Variants in HMGCLL1 observed in about 807,000 individuals in gnomAD.
HMGCLL1 encodes 3-hydroxymethyl-3-methylglutaryl-CoA lyase, cytoplasmic.
A neutral mutation model predicts 39.1 loss-of-function variants in HMGCLL1; 36 were observed. The observed-to-expected ratio is 0.92, with a 90% CI of 0.71 to 1.22. The LOEUF (loss-of-function observed/expected upper bound fraction) is 1.22. HMGCLL1 is among the 50% of genes most tolerant of loss of function. The probability of loss-of-function intolerance (pLI) is 0.00; values close to 1 mark genes in which losing one functional copy is unlikely to be tolerated. For synonymous variants in HMGCLL1, 149 were observed against 144.0 expected, an observed-to-expected ratio of 1.03 and a Z score of -0.25; for missense variants, 451 against 416.5, an observed-to-expected ratio of 1.08 and a Z score of -0.72.
At chr6:55,673,800 A>G in the HMGCLL1 span, among the ~76,000 whole-genome samples, 2 of 151,968 alleles carry the variant, frequency 1.3e-5, no homozygotes, top group Non-Finnish European at 2.9e-5. Context: ...TTTCAAATAT[A>G]TTATCATATT....
chr6:55,448,138 G>C (rs888786007), intron 7 of HMGCLL1, among the ~76,000 whole-genome samples: 1 of 151,998 alleles, frequency 6.6e-6, no homozygotes, highest in Admixed American at 6.6e-5. Flanking sequence ...CAAGAAGACA[G>C]CCAGAAATAT....
chr6:55,640,120 A>C, the HMGCLL1 span, among the ~76,000 whole-genome samples: 3 of 152,118 alleles, frequency 2.0e-5, no homozygotes, highest in East Asian at 5.8e-4. Context: ...AAGGGAAAGA[A>C]GAAGAGAAAG....
intron 1 of HMGCLL1, among the ~76,000 whole-genome samples, chr6:55,552,292 G>A (rs1234568252): frequency 4.6e-5 from 7 of 151,952 alleles, no homozygotes; most frequent in Admixed American, 2.0e-4. Flanking sequence ...TTTCAAACTC[G>A]GGACAGACAA....
chr6:55,454,776 A>C (rs1764250919), intron 7 of HMGCLL1, among the ~76,000 whole-genome samples: 1 of 152,222 alleles, frequency 6.6e-6, no homozygotes, highest in African/African-American at 2.4e-5. Flanking sequence ...AAGGAGAAAG[A>C]GAATAGGAGG....
the HMGCLL1 span, among the ~76,000 whole-genome samples, chr6:55,586,060 G>A: frequency 6.6e-6 from 1 of 151,996 alleles, no homozygotes; most frequent in African/African-American, 2.4e-5. Context: ...TAAATACGGG[G>A]CCATATAATA....
the HMGCLL1 span, among the ~76,000 whole-genome samples, chr6:55,662,391 G>A: frequency 6.6e-6 from 1 of 151,696 alleles, no homozygotes; most frequent in Admixed American, 6.6e-5. Context: ...TTTTTAACAA[G>A]AGGGCTGTCG....
chr6:55,646,710 C>A, the HMGCLL1 span, among the ~76,000 whole-genome samples: 2 of 151,794 alleles, frequency 1.3e-5, no homozygotes, highest in African/African-American at 4.8e-5. Context: ...TGCAAAAATT[C>A]TTCTTGTTAT....
the HMGCLL1 span, among the ~76,000 whole-genome samples, chr6:55,658,048 T>C: frequency 1.3e-5 from 2 of 151,118 alleles, no homozygotes; most frequent in Admixed American, 6.6e-5. Flanking sequence ...ACTTATACCT[T>C]GAACTTAAAT....
At chr6:55,542,480 A>C (rs1462286955) in intron 1 of HMGCLL1, among the ~76,000 whole-genome samples, 2 of 152,026 alleles carry the variant, frequency 1.3e-5, no homozygotes, top group Non-Finnish European at 2.9e-5. Flanking sequence ...GTTAGAGTTC[A>C]TTTAAAAATT....
intron 7 of HMGCLL1, among the ~76,000 whole-genome samples, chr6:55,490,970 T>G (rs557891647): frequency 6.6e-6 from 1 of 152,280 alleles, no homozygotes; most frequent in East Asian, 1.9e-4. Context: ...TCATCTTTGT[T>G]CATTCAGACT....
chr6:55,549,021 G>T lies in HMGCLL1; in HGVS notation c.109-6881C>A, dbSNP rs554701294. ...TAAACATGATAATGCTTCTTTAAAT[G>T]GTGGCTGTTATTTACATTATTTATT... On this transcript the variant is annotated intron_variant, in intron 1 of 8. Transcript: ENST00000274901. 5.3e-5 allele frequency among the ~76,000 whole-genome samples: 8 copies of T among 151,366 alleles called. No homozygotes were observed. The South Asian group carries it at 1.7e-3, about 32-fold the overall frequency.
intron 7 of HMGCLL1, among the ~76,000 whole-genome samples, chr6:55,452,684 C>T (rs1257088154): frequency 6.6e-6 from 1 of 152,162 alleles, no homozygotes; most frequent in African/African-American, 2.4e-5. Context: ...AGACTTCTTT[C>T]TAAATCTCTG....
At chr6:55,500,492 T>TA (rs1364002271) in intron 5 of HMGCLL1, among the ~76,000 whole-genome samples, 49 of 152,018 alleles carry the variant, frequency 3.2e-4, no homozygotes, top group Admixed American at 1.3e-3. Flanking sequence ...ACATAGCTAT[T>TA]GATTCTAAGA....
chr6:55,545,609 T>C (rs1004821731), intron 1 of HMGCLL1, among the ~76,000 whole-genome samples: 1 of 152,066 alleles, frequency 6.6e-6, no homozygotes, highest in African/African-American at 2.4e-5. Context: ...CAGTAATAAA[T>C]GGTCCAATTA....
the HMGCLL1 span, among the ~76,000 whole-genome samples, chr6:55,652,500 T>A: frequency 6.6e-6 from 1 of 152,226 alleles, no homozygotes; most frequent in South Asian, 2.1e-4. Context: ...TAAACTGCTA[T>A]GAGAATAGAG....
At chr6:55,441,091 G>C (rs1465958903) in intron 7 of HMGCLL1, among the ~76,000 whole-genome samples, 1 of 152,048 alleles carries the variant, frequency 6.6e-6, no homozygotes, top group Non-Finnish European at 1.5e-5. Context: ...AGGAGAGAGA[G>C]ACTGTGCTGA....
intron 7 of HMGCLL1, among the ~76,000 whole-genome samples, chr6:55,468,958 G>A (rs1027177972): frequency 6.6e-6 from 1 of 151,746 alleles, no homozygotes; most frequent in Non-Finnish European, 1.5e-5. Flanking sequence ...TTTGGAGGTA[G>A]GGGAAAGAAA....
intron 7 of HMGCLL1, among the ~76,000 whole-genome samples, chr6:55,452,193 C>T (rs1044609615): frequency 6.6e-6 from 1 of 152,068 alleles, no homozygotes; most frequent in Non-Finnish European, 1.5e-5. Flanking sequence ...CTCCTTAAAC[C>T]TTCTCCTCTT....
rs539449835 is a variant in HMGCLL1, at chr6:55,566,768, T to C, written c.108+12180A>G. The C allele has an allele frequency of 1.5e-3, 505 of 341,618 alleles. 2 individuals are homozygous for C. Among genetic ancestry groups the C allele is most frequent in the Non-Finnish European group, 2.4e-3 (405 of 169,996 alleles). 21.2% of individuals were successfully genotyped at this position (341,618 alleles called of 1,614,324 possible). ...AACAGTAGCCAAGAAAAGGAACAAATAGGCTTTCAAATTTTCTAAAAACAC... is the reference window on the plus strand; with the variant it reads ...AACAGTAGCCAAGAAAAGGAACAAACAGGCTTTCAAATTTTCTAAAAACAC... On this transcript the variant is annotated intron_variant, in intron 1 of 8. Transcript: ENST00000274901.
Sources: gnomAD v4.1 joint callset for allele counts (sites outside exome capture counted in the v4.1 genomes callset) on GRCh38, gnomAD v4.1.1 for gene constraint, MANE v1.5 for transcripts, NCBI Gene and HGNC (gene_info 2026-07-23, HGNC 2026-07-21) for gene names.